The following RBFOX1 variants were observed in gnomAD, a reference collection of about 807,000 sequenced individuals.
RBFOX1 encodes RNA binding protein fox-1 homolog 1.
RBFOX1 carries 8 observed loss-of-function variants against 57.7 expected under a neutral mutation model. The observed-to-expected ratio is 0.14, with a 90% CI of 0.08 to 0.25. The LOEUF is 0.25. Ranked by LOEUF, RBFOX1 falls within the 10% of genes least tolerant of loss-of-function variation. RBFOX1 has a pLI of 1.00. For missense variants in RBFOX1, 611 were observed against 548.5 expected (o/e 1.11, Z -1.14); for synonymous variants, 326 against 222.4 (o/e 1.47, Z -4.15).
intron 3 of RBFOX1, among the ~76,000 whole-genome samples, chr16:6,997,996 A>G (rs1460668615): frequency 6.6e-6 from 1 of 152,126 alleles, no homozygotes; most frequent in Non-Finnish European, 1.5e-5. Flanking sequence ...GCAAAGTAAA[A>G]AAAAACTAAA....
rs749403774 is a variant in RBFOX1, at chr16:7,676,847, C to T, written c.995+9C>T. On this transcript the variant is annotated intron_variant, in intron 14 of 15. Coordinates refer to ENST00000550418, the MANE Select transcript of RBFOX1 (RefSeq NM_018723.4). ...GCTGCCTACAGTGACAGGTAAGGGTCATCCTTCTTGTGCTTGACAACTACT... is the reference window on the plus strand; with the variant it reads ...GCTGCCTACAGTGACAGGTAAGGGTTATCCTTCTTGTGCTTGACAACTACT... The T allele has an allele frequency of 1.1e-5, 17 of 1,608,964 alleles. No individual in the cohort carries two copies. Among genetic ancestry groups the T allele is most frequent in the Non-Finnish European group, 1.4e-5 (17 of 1,175,636 alleles).
chr16:6,660,351 C>G (rs896844882), intron 3 of RBFOX1, among the ~76,000 whole-genome samples: 2 of 152,024 alleles, frequency 1.3e-5, no homozygotes, highest in African/African-American at 4.8e-5. Context: ...CACACGATTA[C>G]TTATATAACA....
At chr16:7,483,580 G>C (rs558038655) in intron 4 of RBFOX1, among the ~76,000 whole-genome samples, 3 of 152,174 alleles carry the variant, frequency 2.0e-5, no homozygotes, top group African/African-American at 4.8e-5. Context: ...TGAGGGTGGA[G>C]GTTTGAATTG....
At position 7,711,261 on chromosome 16, in the gene RBFOX1, G is replaced by C. The variant is rs530300381; in HGVS notation, c.*516G>C. ...AAAAATGTAACTGATGAATCTAAACGACCCACTGCACCAACAATCATTTAT... is the reference window on the plus strand; with the variant it reads ...AAAAATGTAACTGATGAATCTAAACCACCCACTGCACCAACAATCATTTAT... On this transcript the variant is annotated 3_prime_UTR_variant, in exon 16 of 16. Transcript: ENST00000550418. The C allele has an allele frequency of 1.3e-5, 2 of 152,024 alleles. No homozygotes were observed. The highest frequency in any genetic ancestry group is 2.1e-4 in the South Asian group (1 of 4,812). 9.4% of individuals were successfully genotyped at this position (152,024 alleles called of 1,614,324 possible).
intron 1 of RBFOX1, among the ~76,000 whole-genome samples, chr16:6,204,128 A>T (rs746521825): frequency 3.9e-5 from 6 of 152,068 alleles, no homozygotes; most frequent in Non-Finnish European, 7.4e-5. Context: ...AGTTATTCCT[A>T]TTACCACTGA....
At chr16:7,046,583 C>G (rs958654905) in intron 3 of RBFOX1, among the ~76,000 whole-genome samples, 1 of 133,496 alleles carries the variant, frequency 7.5e-6, no homozygotes, top group African/African-American at 2.8e-5. Flanking sequence ...CTCTTTGTTT[C>G]TGTAGTCTTT....
rs142924741 is a variant in RBFOX1, at chr16:7,421,610, C to T, written c.28-96537C>T. ...AATAAAAGGTAGGTTGGAAGACTGC[C>T]GAGGCCCCCAGTTGGCTGCTGCTTC... On this transcript the variant is annotated intron_variant, in intron 4 of 15. Transcript: ENST00000550418. Among the ~76,000 whole-genome samples the T allele has an allele frequency of 5.3e-5, 8 of 152,316 alleles. No individual in the cohort carries two copies. In the East Asian group the frequency reaches 1.5e-3, roughly 29 times the overall value.
intron 3 of RBFOX1, among the ~76,000 whole-genome samples, chr16:5,779,637 T>C (rs1417915813): frequency 6.6e-6 from 1 of 152,174 alleles, no homozygotes; most frequent in African/African-American, 2.4e-5. Flanking sequence ...TTCATTCTCC[T>C]GGGCTCATTG....
At chr16:6,545,519 A>C (rs2096882712) in intron 2 of RBFOX1, among the ~76,000 whole-genome samples, 1 of 152,090 alleles carries the variant, frequency 6.6e-6, no homozygotes, top group South Asian at 2.1e-4. Flanking sequence ...TGTCGTGGTC[A>C]CTTGGCAAGG....
At chr16:6,009,150 T>C (rs1244925132) in intron 4 of RBFOX1, among the ~76,000 whole-genome samples, 1 of 151,972 alleles carries the variant, frequency 6.6e-6, no homozygotes, top group Non-Finnish European at 1.5e-5. Flanking sequence ...GAGCCTCTTG[T>C]GCACACGGGT....
chr16:6,926,767 A>G (rs538784494), intron 3 of RBFOX1, among the ~76,000 whole-genome samples: 6 of 152,178 alleles, frequency 3.9e-5, no homozygotes, highest in Non-Finnish European at 8.8e-5. Flanking sequence ...GAACTTTTAA[A>G]TGCTTCTGCT....
At chr16:6,931,340 T>TGTCTAC (rs139959481) in intron 3 of RBFOX1, among the ~76,000 whole-genome samples, 4 of 106,938 alleles carry the variant, frequency 3.7e-5, no homozygotes, top group African/African-American at 1.3e-4. Context: ...TATCTATCTC[T>TGTCTAC]ACACACACAC....
intron 2 of RBFOX1, among the ~76,000 whole-genome samples, chr16:6,342,823 C>A (rs1010095254): frequency 6.6e-6 from 1 of 152,230 alleles, no homozygotes; most frequent in East Asian, 1.9e-4. Flanking sequence ...ATGCTAATCA[C>A]CTTGACATTT....
At chr16:5,862,777 A>T (rs893540181) in intron 3 of RBFOX1, among the ~76,000 whole-genome samples, 3 of 152,166 alleles carry the variant, frequency 2.0e-5, no homozygotes, top group Non-Finnish European at 4.4e-5. Context: ...TTTCCGAAAG[A>T]GACCTAACAC....
intron 3 of RBFOX1, among the ~76,000 whole-genome samples, chr16:5,733,468 C>A (rs1430665650): frequency 6.6e-6 from 1 of 152,178 alleles, no homozygotes; most frequent in African/African-American, 2.4e-5. Context: ...TCCTCCCGAG[C>A]AGCAGTGCTG....
intron 3 of RBFOX1, among the ~76,000 whole-genome samples, chr16:6,771,884 C>A (rs997280124): frequency 6.6e-6 from 1 of 152,120 alleles, no homozygotes; most frequent in Non-Finnish European, 1.5e-5. Context: ...CCCTTCTCCC[C>A]ATTAGACCTT....
chr16:5,471,313 C>G (rs556610353), intron 2 of RBFOX1, among the ~76,000 whole-genome samples: 1 of 152,318 alleles, frequency 6.6e-6, no homozygotes, highest in East Asian at 1.9e-4. Flanking sequence ...TATTGAAAAA[C>G]AGGTGATCTA....
At chr16:7,195,239 A>G (rs2086410358) in intron 4 of RBFOX1, among the ~76,000 whole-genome samples, 1 of 152,150 alleles carries the variant, frequency 6.6e-6, no homozygotes, top group South Asian at 2.1e-4. Context: ...ATATTTGGTG[A>G]TAATGTCTCT....
At chr16:7,146,283 C>G (rs76971015) in intron 4 of RBFOX1, among the ~76,000 whole-genome samples, 4,551 of 152,266 alleles carry the variant, frequency 0.03, 223 homozygotes, top group African/African-American at 0.1. Context: ...TTCTCTGCCA[C>G]TAAAAATGAT....
Sources: gnomAD v4.1 joint callset for allele counts (sites outside exome capture counted in the v4.1 genomes callset) on GRCh38, gnomAD v4.1.1 for gene constraint, MANE v1.5 for transcripts, NCBI Gene and HGNC (gene_info 2026-07-23, HGNC 2026-07-21) for gene names.